Variants in CACNA2D2 observed in about 807,000 individuals in gnomAD.
The protein encoded by CACNA2D2 is voltage-dependent calcium channel subunit alpha-2/delta-2.
A neutral mutation model predicts 166.4 loss-of-function variants in CACNA2D2; 48 were observed. The observed-to-expected ratio is 0.29, with a 90% CI of 0.23 to 0.37. The LOEUF (loss-of-function observed/expected upper bound fraction) is 0.37. Among genes scored for constraint, CACNA2D2 ranks in the 10% least tolerant of loss-of-function variants. CACNA2D2 has a pLI of 1.00. For synonymous variants in CACNA2D2, 561 were observed against 573.7 expected (o/e 0.98, Z 0.32); for missense variants, 1,122 against 1,433.0 (o/e 0.78, Z 3.50).
intron 3 of CACNA2D2, among the ~76,000 whole-genome samples, chr3:50,402,287 C>T (rs998149440): frequency 2.0e-5 from 3 of 152,144 alleles, no homozygotes; most frequent in Non-Finnish European, 4.4e-5. Context: ...AATTTACAGA[C>T]CAGTTTTCTG....
Position 50,503,340 on chromosome 3 carries a change from G to A in CACNA2D2, c.84C>T (p.His28=). ...TCGGGCGCCGGGTGCCGGGGCCAGG[G>A]TGGGGGCCGCAGCCGGGCCAGGGGC... The part of the protein sequence containing the change: ...TARPWPGCGP[H]PGPGTRRPTS... The change falls in exon 1 of 38, where the codon CAC becomes CAT. Residue 28 remains histidine, a synonymous_variant. Transcript: ENST00000424201. 1 of 366,238 alleles carries A rather than the reference G, an allele frequency of 2.7e-6. No individual in the cohort carries two copies. The highest frequency in any genetic ancestry group is 4.5e-6 in the Non-Finnish European group (1 of 220,110). The allele number at this position is 366,238 out of a possible 1,614,324, so 22.7% of individuals were successfully genotyped here.
chr3:50,390,849 C>T (rs1033925331), intron 4 of CACNA2D2, among the ~76,000 whole-genome samples: 7 of 152,198 alleles, frequency 4.6e-5, no homozygotes, highest in African/African-American at 1.2e-4. Flanking sequence ...AGTTGCCATC[C>T]AAGTTCAGTG....
intron 3 of CACNA2D2, among the ~76,000 whole-genome samples, chr3:50,405,553 G>T (rs923933921): frequency 2.0e-5 from 3 of 152,188 alleles, no homozygotes; most frequent in Admixed American, 6.5e-5. Context: ...ATGATCCCAG[G>T]CATAACCTTG....
intron 2 of CACNA2D2, among the ~76,000 whole-genome samples, chr3:50,446,336 C>G (rs1708846869): frequency 6.6e-6 from 1 of 152,226 alleles, no homozygotes; most frequent in Admixed American, 6.5e-5. Flanking sequence ...CCTTATTTTA[C>G]AGATGTCCTT....
intron 3 of CACNA2D2, among the ~76,000 whole-genome samples, chr3:50,412,949 T>G (rs1024337106): frequency 6.6e-6 from 1 of 152,194 alleles, no homozygotes; most frequent in Non-Finnish European, 1.5e-5. Flanking sequence ...TTAGGGTGAC[T>G]GCCAGGGCCC....
intron 1 of CACNA2D2, among the ~76,000 whole-genome samples, chr3:50,476,722 G>A (rs748034118): frequency 3.6e-4 from 55 of 152,118 alleles, no homozygotes; most frequent in Non-Finnish European, 6.5e-4. Context: ...AGCAGTGGAC[G>A]TGGAGAGTTC....
At chr3:50,404,935 T>C (rs968215880) in intron 3 of CACNA2D2, among the ~76,000 whole-genome samples, 86 of 152,166 alleles carry the variant, frequency 5.7e-4, no homozygotes, top group African/African-American at 1.9e-3. Context: ...CATGGGAATG[T>C]ATTCCCACCT....
At chr3:50,404,026 G>A (rs1053039582) in intron 3 of CACNA2D2, among the ~76,000 whole-genome samples, 1 of 152,226 alleles carries the variant, frequency 6.6e-6, no homozygotes, top group Admixed American at 6.5e-5. Context: ...AGCTCAGTGA[G>A]GAAATGCTAA....
At chr3:50,437,593 G>C (rs1313919889) in intron 2 of CACNA2D2, among the ~76,000 whole-genome samples, 1 of 152,156 alleles carries the variant, frequency 6.6e-6, no homozygotes, top group Non-Finnish European at 1.5e-5. Flanking sequence ...GGTGGGCCCT[G>C]AGCTGAGCCC....
intron 2 of CACNA2D2, among the ~76,000 whole-genome samples, chr3:50,436,574 C>A (rs1292081495): frequency 1.3e-5 from 2 of 152,228 alleles, no homozygotes; most frequent in African/African-American, 4.8e-5. Flanking sequence ...TGCCAAAAGT[C>A]ACTCATCTCT....
chr3:50,495,007 A>G (rs1487192992), intron 1 of CACNA2D2, among the ~76,000 whole-genome samples: 1 of 152,178 alleles, frequency 6.6e-6, no homozygotes, highest in Non-Finnish European at 1.5e-5. Flanking sequence ...ACAGCTGTAC[A>G]TCAGTGCGAG....
chr3:50,424,613 G>A (rs1707720047), intron 3 of CACNA2D2, among the ~76,000 whole-genome samples: 1 of 152,192 alleles, frequency 6.6e-6, no homozygotes, highest in Non-Finnish European at 1.5e-5. Flanking sequence ...GCCATCTTCA[G>A]CAGACTGCAC....
Position 50,375,443 on chromosome 3 carries a change from T to C in CACNA2D2, c.1907+201A>G, listed in dbSNP as rs1476932977. ...ATGAGGAGACTTTGGATGACTGTGC[T>C]GTGCTCTCAGACCTGCTGCTTGTTC... On this transcript the variant is annotated intron_variant, in intron 21 of 37. Coordinates refer to ENST00000424201, the MANE Select transcript of CACNA2D2 (RefSeq NM_006030.4). The surrounding 1 kb of genome is among the most constrained non-coding windows in gnomAD (Gnocchi z 4.0). Among the ~76,000 whole-genome samples the C allele has an allele frequency of 1.3e-5, 2 of 152,206 alleles. No individual in the cohort carries two copies. The highest frequency in any genetic ancestry group is 4.8e-5 in the African/African-American group (2 of 41,452).
At chr3:50,407,649 TCCTC>T (rs1483186332) in intron 3 of CACNA2D2, among the ~76,000 whole-genome samples, 1 of 152,058 alleles carries the variant, frequency 6.6e-6, no homozygotes, top group East Asian at 1.9e-4. Context: ...CCTGATAACC[TCCTC>T]CCTAACACGG....
At chr3:50,483,180 C>T (rs1044972432) in intron 1 of CACNA2D2, among the ~76,000 whole-genome samples, 1 of 152,202 alleles carries the variant, frequency 6.6e-6, no homozygotes, top group Non-Finnish European at 1.5e-5. Flanking sequence ...GGCCCATCTT[C>T]AATCTATTTG....
intron 2 of CACNA2D2, among the ~76,000 whole-genome samples, chr3:50,470,611 GT>G (rs1487372740): frequency 0.13 from 9,931 of 79,316 alleles, 1 homozygote; most frequent in Middle Eastern, 0.18. Context: ...GGGGGGGGGG[GT>G]GGTGGTCAAG....
At chr3:50,483,321 A>G (rs2107124515) in intron 1 of CACNA2D2, among the ~76,000 whole-genome samples, 1 of 152,312 alleles carries the variant, frequency 6.6e-6, no homozygotes, top group Non-Finnish European at 1.5e-5. Context: ...GGAGACCCTG[A>G]GGAGCTGGGG....
intron 1 of CACNA2D2, among the ~76,000 whole-genome samples, chr3:50,477,507 G>A (rs539811432): frequency 5.9e-5 from 9 of 152,244 alleles, no homozygotes; most frequent in South Asian, 2.1e-4. Context: ...CAGATCAGGC[G>A]AGCAAAACCA....
rs539590201 is a variant in CACNA2D2 at position 50,484,882 on chromosome 3, G to A, written c.207-8683C>T. On this transcript the variant is annotated intron_variant, in intron 1 of 37. Transcript: ENST00000424201. ...GTCCCAGCCCTCCTGTCCAGCTTGT[G>A]TGTGGCCGGCCATGGGGTAGGCAGG... Among the ~76,000 whole-genome samples the A allele has an allele frequency of 2.0e-5, 3 of 152,372 alleles. No homozygotes were observed. The South Asian group carries it at 6.2e-4, about 32-fold the overall frequency.
Sources: allele counts gnomAD v4.1 joint callset (sites outside exome capture counted in the v4.1 genomes callset), GRCh38; gene constraint gnomAD v4.1.1; non-coding constraint Gnocchi (gnomAD v3.1); transcripts MANE v1.5; gene names NCBI Gene and HGNC (gene_info 2026-07-23, HGNC 2026-07-21).